Variants in LINGO1 observed in about 807,000 individuals in gnomAD.
The protein encoded by LINGO1 is leucine-rich repeat and immunoglobulin-like domain-containing nogo receptor-interacting protein 1.
Under a neutral mutation model 37.3 loss-of-function variants are expected in LINGO1, and 11 were observed. The ratio of observed to expected loss-of-function variants is 0.29; its 90% CI spans 0.19 to 0.49. The LOEUF is 0.49. LINGO1 is among the 20% of genes least tolerant of loss of function. The pLI is 0.99. For synonymous variants in LINGO1, 387 were observed against 403.0 expected (o/e 0.96, Z 0.48); for missense variants, 585 against 878.2 (o/e 0.67, Z 4.22).
At chr15:77,620,281 G>C (rs1271651348) in intron 1 of LINGO1, among the ~76,000 whole-genome samples, 2 of 152,262 alleles carry the variant, frequency 1.3e-5, no homozygotes, top group Non-Finnish European at 2.9e-5. Flanking sequence ...ATCAAAGACA[G>C]GCAGGTGGGC....
chr15:77,679,969 C>T (rs1403883315), intron 2 of LINGO1, among the ~76,000 whole-genome samples: 1 of 152,208 alleles, frequency 6.6e-6, no homozygotes, highest in Admixed American at 6.5e-5. Flanking sequence ...TTTTATTGCT[C>T]ACTGAATGTC....
chr15:77,632,321 G>C lies in LINGO1; in HGVS notation c.-6C>G. The C allele has an allele frequency of 1.4e-6, 2 of 1,440,476 alleles. No individual in the cohort carries two copies. Among genetic ancestry groups the C allele is most frequent in the Non-Finnish European group, 1.8e-6 (2 of 1,097,592 alleles). The allele number at this position is 1,440,476 out of a possible 1,614,324, so 89.2% of individuals were successfully genotyped here. The stretch of plus-strand genomic sequence containing the variant: ...GCCGCCTGGCTCACCTGCATCTCGG[G>C]CGCGCCTTCGGTCCGCTCGGCTCGG... On this transcript the variant is annotated 5_prime_UTR_variant, in exon 1 of 2. Coordinates refer to ENST00000355300, the MANE Select transcript of LINGO1 (RefSeq NM_032808.7). This position sits in a 1 kb window ranked among gnomAD's most constrained non-coding sequence, Gnocchi z 6.0.
At chr15:77,811,489 C>A (rs2077005580) in intron 1 of LINGO1, among the ~76,000 whole-genome samples, 1 of 152,120 alleles carries the variant, frequency 6.6e-6, no homozygotes, top group Non-Finnish European at 1.5e-5. Context: ...CCTCCTAGAT[C>A]CCACCTAAGC....
upstream of LINGO1, among the ~76,000 whole-genome samples, chr15:77,791,353 G>C (rs1036469954): frequency 6.6e-6 from 1 of 150,992 alleles, no homozygotes; most frequent in African/African-American, 2.4e-5. Context: ...CAGGCGAAAG[G>C]CACACGTGGA....
At chr15:77,643,062 TGTGGTGTG>T (rs1211356430) in intron 3 of LINGO1, among the ~76,000 whole-genome samples, 3 of 152,186 alleles carry the variant, frequency 2.0e-5, no homozygotes. Flanking sequence ...TGACAGCCAC[TGTGGTGTG>T]GTGGTGTGGC....
intron 1 of LINGO1, among the ~76,000 whole-genome samples, chr15:77,799,930 C>T (rs1431085007): frequency 6.6e-6 from 1 of 152,108 alleles, no homozygotes; most frequent in Admixed American, 6.5e-5. Context: ...CCTCCCAGGA[C>T]CTATGCTACA....
At chr15:77,744,739 T>C (rs375295957) in intron 1 of LINGO1, among the ~76,000 whole-genome samples, 20 of 152,294 alleles carry the variant, frequency 1.3e-4, no homozygotes, top group East Asian at 9.6e-4. Flanking sequence ...GTCATGCACA[T>C]AGAGCTACTG....
intron 1 of LINGO1, among the ~76,000 whole-genome samples, chr15:77,764,612 C>T (rs1475897695): frequency 6.6e-6 from 1 of 152,238 alleles, no homozygotes; most frequent in African/African-American, 2.4e-5. Context: ...AGCAGAGTTC[C>T]GAGAAATGCC....
At chr15:77,726,457 T>C (rs1030453941) in intron 2 of LINGO1, among the ~76,000 whole-genome samples, 9 of 152,318 alleles carry the variant, frequency 5.9e-5, no homozygotes, top group Non-Finnish European at 1.2e-4. Flanking sequence ...CTGTCCTCAT[T>C]AGGGCACCCA....
At chr15:77,810,188 T>G (rs760115589) in intron 1 of LINGO1, among the ~76,000 whole-genome samples, 3 of 151,838 alleles carry the variant, frequency 2.0e-5, no homozygotes, top group Non-Finnish European at 4.4e-5. Context: ...TGCACAGCTC[T>G]TCTCCTCTCG....
At chr15:77,812,495 G>T (rs958837072) in intron 1 of LINGO1, among the ~76,000 whole-genome samples, 2 of 152,192 alleles carry the variant, frequency 1.3e-5, no homozygotes, top group Non-Finnish European at 2.9e-5. Context: ...TGGAGGAGGT[G>T]GGCAAAAGCT....
chr15:77,789,668 C>A (rs1172907758), upstream of LINGO1, among the ~76,000 whole-genome samples: 2 of 152,124 alleles, frequency 1.3e-5, no homozygotes, highest in African/African-American at 4.8e-5. Flanking sequence ...GGCAATGTGG[C>A]CATGTAAAGA....
chr15:77,820,563 C>T (rs879112263), upstream of LINGO1, among the ~76,000 whole-genome samples: 8 of 152,200 alleles, frequency 5.3e-5, no homozygotes, highest in African/African-American at 1.9e-4. Flanking sequence ...CAGGTGAAGA[C>T]ACCTGTCATG....
chr15:77,802,524 A>G (rs116162933), intron 1 of LINGO1, among the ~76,000 whole-genome samples: 309 of 152,218 alleles, frequency 2.0e-3, no homozygotes, highest in African/African-American at 7.2e-3. Context: ...CATTCTGGAA[A>G]TGCCCCTCCC....
chr15:77,733,746 A>T (rs1316031003), intron 2 of LINGO1, among the ~76,000 whole-genome samples: 1 of 151,134 alleles, frequency 6.6e-6, no homozygotes, highest in African/African-American at 2.4e-5. Flanking sequence ...ACAATTAGCA[A>T]CCCTCCTCCA....
chr15:77,669,437 G>A (rs1007863004), intron 3 of LINGO1, among the ~76,000 whole-genome samples: 1 of 152,170 alleles, frequency 6.6e-6, no homozygotes, highest in Non-Finnish European at 1.5e-5. Flanking sequence ...CGAGGTGTTT[G>A]TAGTCCCCTG....
intron 1 of LINGO1, among the ~76,000 whole-genome samples, chr15:77,811,824 AAC>A (rs1191919823): frequency 1.3e-5 from 2 of 152,246 alleles, no homozygotes; most frequent in African/African-American, 4.8e-5. Context: ...CTCTGGAAAA[AAC>A]AGATAAAGCA....
chr15:77,748,909 C>T (rs1231032840), intron 1 of LINGO1, among the ~76,000 whole-genome samples: 2 of 87,792 alleles, frequency 2.3e-5, no homozygotes, highest in South Asian at 4.3e-4. Context: ...CCTTCCTTCT[C>T]TTTTTTTTTT....
At chr15:77,621,332 G>A (rs1595991479) in intron 1 of LINGO1, among the ~76,000 whole-genome samples, 1 of 152,346 alleles carries the variant, frequency 6.6e-6, no homozygotes, top group East Asian at 1.9e-4. Flanking sequence ...TGGGATCACA[G>A]GCATGAGCCA....
Sources: gnomAD v4.1 joint callset for allele counts (sites outside exome capture counted in the v4.1 genomes callset) on GRCh38, gnomAD v4.1.1 for gene constraint, Gnocchi (gnomAD v3.1) non-coding constraint, MANE v1.5 for transcripts, NCBI Gene and HGNC (gene_info 2026-07-23, HGNC 2026-07-21) for gene names.